Variants in RPL27A observed in about 807,000 individuals in gnomAD.
The protein encoded by RPL27A is large ribosomal subunit protein uL15.
For missense variants in RPL27A, 118 were observed against 189.4 expected (o/e 0.62, Z 2.21); for synonymous variants, 69 against 68.3 (o/e 1.01, Z -0.05).
intron 1 of RPL27A, 47 bp downstream of exon 1, chr11:8,682,863 C>T: frequency 6.3e-7 from 1 of 1,595,904 alleles, no homozygotes; most frequent in Non-Finnish European, 8.5e-7. Flanking sequence ...GCGGAGACCC[C>T]TAAGCTGTAT....
At position 8,682,830 on chromosome 11, in the gene RPL27A, T is replaced by G; in HGVS notation, c.3+14T>G. The G allele has an allele frequency of 1.9e-6, 3 of 1,611,488 alleles. No homozygotes were observed. The highest frequency in any genetic ancestry group is 2.2e-5 in the South Asian group (2 of 90,888). On this transcript the variant is annotated intron_variant, in intron 1 of 4. Transcript: ENST00000314138. ...GCTGCCAACATGGTAGGTGTTTCGT[T>G]TCTTGCCTCCTCTTCCTTGCCGGCG...
intron 2 of RPL27A, chr11:8,683,605 GACA>G: frequency 4.0e-6 from 2 of 500,496 alleles, no homozygotes; most frequent in South Asian, 4.3e-5. Flanking sequence ...GCGTAAGCGG[GACA>G]CAGAAGTCTG....
At chr11:8,682,839 C>T (rs201590396) in intron 1 of RPL27A, 23 bp downstream of exon 1, 1 of 1,609,788 alleles carries the variant, frequency 6.2e-7, no homozygotes, top group Admixed American at 1.7e-5. Flanking sequence ...TTTCTTGCCT[C>T]CTCTTCCTTG....
chr11:8,689,574 A>C lies in RPL27A; in HGVS notation c.*3768A>C, dbSNP rs949915658. ...GAAAAGTAATATTTTCTCTTTCGAG[A>C]GTTTTCATGGCCTTTTAAATTACAC... On this transcript the variant is annotated 3_prime_UTR_variant, in exon 5 of 5. Transcript: ENST00000314138. 4 of 151,754 alleles carry C rather than the reference A, an allele frequency of 2.6e-5. No homozygotes were observed. The highest frequency in any genetic ancestry group is 9.7e-5 in the African/African-American group (4 of 41,326). 9.4% of individuals were successfully genotyped at this position (151,754 alleles called of 1,614,324 possible).
chr11:8,684,603 C>T, intron 3 of RPL27A, 115 bp from the exon 4 acceptor site: 1 of 871,942 alleles, frequency 1.1e-6, no homozygotes, highest in Non-Finnish European at 1.9e-6. Flanking sequence ...ATATGCCTGA[C>T]ACTGCTCTAC....
At chr11:8,684,429 T>A in intron 3 of RPL27A, 1 of 714,752 alleles carries the variant, frequency 1.4e-6, no homozygotes, top group Non-Finnish European at 2.6e-6. Context: ...TATAGGAGTA[T>A]GTAGATTTTC....
chr11:8,687,640 T>C lies in RPL27A; in HGVS notation c.*1834T>C, dbSNP rs1225479389. On this transcript the variant is annotated 3_prime_UTR_variant, in exon 5 of 5. Coordinates refer to ENST00000314138, the MANE Select transcript of RPL27A (RefSeq NM_000990.5). ...GAAACCGTGCACTTAATTTTTTGTT[T>C]TGTTTTGAGACGGAGTCTCGCTCTG... is the stretch of plus-strand genomic sequence containing the variant. 6.6e-6 allele frequency: 1 copy of C among 152,270 alleles called. No individual in the cohort carries two copies. Among genetic ancestry groups the C allele is most frequent in the African/African-American group, 2.4e-5 (1 of 41,472 alleles). The allele number at this position is 152,270 out of a possible 1,614,324, so 9.4% of individuals were successfully genotyped here.
At chr11:8,684,183 TG>T in intron 3 of RPL27A, 102 bp downstream of exon 3, 1 of 957,306 alleles carries the variant, frequency 1.0e-6, no homozygotes, top group Non-Finnish European at 1.7e-6. Flanking sequence ...TGCCTATTGC[TG>T]TTTTTTACCA....
At chr11:8,683,305 C>T (rs998639466) in intron 2 of RPL27A, 40 bp downstream of exon 2, 4 of 1,568,894 alleles carry the variant, frequency 2.5e-6, no homozygotes, top group Admixed American at 1.7e-5. Context: ...CTTGGGCTCT[C>T]TTCGGGTGCT....
At position 8,683,237 on chromosome 11, in the gene RPL27A, C is replaced by T; in HGVS notation, c.39C>T (p.Gly13=). The T allele has an allele frequency of 6.2e-7, 1 of 1,614,248 alleles. No individual in the cohort carries two copies. The part of the protein sequence containing the change: ...SRLRKTRKLR[G]HVSHGHGRIG... ...TGAGGAAGACCCGGAAACTTAGGGG[C>T]CACGTGAGCCACGGCCACGGCCGCA... Residue 13 remains glycine (G), a synonymous_variant, in exon 2 of 5, where the codon GGC becomes GGT. Transcript: ENST00000314138.
rs371384168 is a variant in RPL27A at position 8,683,325 on chromosome 11, T to G, written c.67+60T>G. On this transcript the variant is annotated intron_variant, in intron 2 of 4. Coordinates refer to ENST00000314138, the MANE Select transcript of RPL27A (RefSeq NM_000990.5). ...GCTCTCTTCGGGTGCTTAGCTAGTC[T>G]GGAGATCGGTAGCCTATAAGTGGGT... 4.7e-5 allele frequency: 68 copies of G among 1,439,290 alleles called. No homozygotes were observed. The East Asian group carries it at 9.5e-4, about 20-fold the overall frequency. The allele number at this position is 1,439,290 out of a possible 1,614,324, so 89.2% of individuals were successfully genotyped here.
In RPL27A at chr11:8,688,134, A is replaced by G. The variant is rs954244790; in HGVS notation, c.*2328A>G. 6.6e-6 allele frequency: 1 copy of G among 152,244 alleles called. No individual in the cohort carries two copies. Among genetic ancestry groups the G allele is most frequent in the African/African-American group, 2.4e-5 (1 of 41,420 alleles). The allele number at this position is 152,244 out of a possible 1,614,324, so 9.4% of individuals were successfully genotyped here. ...GGCCGGGCTGTAAAGGACGGCTACA[A>G]TGGGAGGCTGAAGGCAGAACCAAGA... On this transcript the variant is annotated 3_prime_UTR_variant, in exon 5 of 5. Transcript: ENST00000314138.
chr11:8,684,963 T>C, intron 4 of RPL27A, 71 bp downstream of exon 4: 2 of 1,413,694 alleles, frequency 1.4e-6, no homozygotes, highest in Non-Finnish European at 2.0e-6. Flanking sequence ...TCTAATCCAC[T>C]TATATAATCT....
Position 8,682,809 on chromosome 11 carries a change from C to T in RPL27A, c.-5C>T. The stretch of plus-strand genomic sequence containing the variant: ...AGGCCTTCCTTTTTCGTCTGGGCTG[C>T]CAACATGGTAGGTGTTTCGTTTCTT... On this transcript the variant is annotated 5_prime_UTR_variant, in exon 1 of 5. Coordinates refer to ENST00000314138, the MANE Select transcript of RPL27A (RefSeq NM_000990.5). 1 of 1,613,146 alleles carries T rather than the reference C, an allele frequency of 6.2e-7. No homozygotes were observed. The highest frequency in any genetic ancestry group is 8.5e-7 in the Non-Finnish European group (1 of 1,179,532).
In RPL27A at chr11:8,683,092, C is replaced by T. The variant is rs1377039245; in HGVS notation, c.4-110C>T. On this transcript the variant is annotated intron_variant, in intron 1 of 4. Coordinates refer to ENST00000314138, the MANE Select transcript of RPL27A (RefSeq NM_000990.5). ...TCGGTACCCTCAGCTTTCCCAAACG[C>T]TCCAGAAGTTAGGTCTTTGACCCAC... is the stretch of plus-strand genomic sequence containing the variant. 6.6e-5 allele frequency: 80 copies of T among 1,205,954 alleles called. No homozygotes were observed. In the East Asian group the frequency reaches 1.9e-3, roughly 28 times the overall value. 74.7% of individuals were successfully genotyped at this position (1,205,954 alleles called of 1,614,324 possible).
rs1381591841 is a variant in RPL27A at position 8,684,432 on chromosome 11, A to C, written c.144-286A>C. On this transcript the variant is annotated intron_variant, in intron 3 of 4. Transcript: ENST00000314138. Reference sequence around the variant, plus strand: ...GAAGACGTTTATTATAGGAGTATGTAGATTTTCCATAGAGTGCTGTTATGT... The same window carrying C: ...GAAGACGTTTATTATAGGAGTATGTCGATTTTCCATAGAGTGCTGTTATGT... 4.2e-6 allele frequency: 3 copies of C among 714,568 alleles called. No homozygotes were observed. In the African/African-American group the frequency reaches 5.2e-5, roughly 12 times the overall value. The allele number at this position is 714,568 out of a possible 1,614,324, so 44.3% of individuals were successfully genotyped here. A position where few individuals can be genotyped will look rare whatever the true frequency, so the allele number is the denominator to read the frequency against.
chr11:8,684,421 T>C (rs2133616101), intron 3 of RPL27A: 6 of 713,408 alleles, frequency 8.4e-6, no homozygotes, highest in South Asian at 4.1e-5. Flanking sequence ...ACGTTTATTA[T>C]AGGAGTATGT....
Position 8,687,079 on chromosome 11 carries a change from A to C in RPL27A, c.*1273A>C, listed in dbSNP as rs1449767264. The stretch of plus-strand genomic sequence containing the variant: ...ACAGAGAAGCACTGAATTGGCTTAC[A>C]TAAGAATAGGCTAGAATTACAAGTA... On this transcript the variant is annotated 3_prime_UTR_variant, in exon 5 of 5. Coordinates refer to ENST00000314138, the MANE Select transcript of RPL27A (RefSeq NM_000990.5). 1 of 152,244 alleles carries C rather than the reference A, an allele frequency of 6.6e-6. No individual in the cohort carries two copies. The highest frequency in any genetic ancestry group is 1.9e-4 in the East Asian group (1 of 5,198). 9.4% of individuals were successfully genotyped at this position (152,244 alleles called of 1,614,324 possible). A position where few individuals can be genotyped will look rare whatever the true frequency, so the allele number is the denominator to read the frequency against.
rs1565593224 is a variant in RPL27A, at chr11:8,687,398, C to CT, written c.*1592_*1593insT. ...CAAGAGTGAAACTCTGTCCACCCCC[C>CT]CCAAAAAAAGTAAGGGCTCTCCATT... On this transcript the variant is annotated 3_prime_UTR_variant, in exon 5 of 5. Coordinates refer to ENST00000314138, the MANE Select transcript of RPL27A (RefSeq NM_000990.5). 2 of 140,224 alleles carry CT rather than the reference C, an allele frequency of 1.4e-5. No individual in the cohort carries two copies. Among genetic ancestry groups the CT allele is most frequent in the African/African-American group, 5.1e-5 (2 of 39,364 alleles). The allele number at this position is 140,224 out of a possible 1,614,324, so 8.7% of individuals were successfully genotyped here. A position where few individuals can be genotyped will look rare whatever the true frequency, so the allele number is the denominator to read the frequency against.
Sources: allele counts gnomAD v4.1 joint callset, GRCh38; gene constraint gnomAD v4.1.1; transcripts MANE v1.5; gene names NCBI Gene and HGNC (gene_info 2026-07-23, HGNC 2026-07-21).